The following SMPX variants were observed in gnomAD, a reference collection of about 807,000 sequenced individuals.
SMPX encodes the protein small muscular protein.
SMPX carries 2 observed loss-of-function variants against 6.3 expected under a neutral mutation model. The observed-to-expected ratio is 0.32, with a 90% CI of 0.13 to 0.99. The LOEUF is 0.99. SMPX is among the 50% of genes least tolerant of loss of function. SMPX has a pLI of 0.49. For synonymous variants in SMPX, 32 were observed against 24.7 expected, an observed-to-expected ratio of 1.30 and a Z score of -0.88; for missense variants, 60 against 66.8, an observed-to-expected ratio of 0.90 and a Z score of 0.36.
intron 4 of SMPX, 48 bp downstream of exon 4, chrX:21,737,501 C>A: frequency 9.0e-7 from 1 of 1,108,034 alleles, no homozygotes; most frequent in Non-Finnish European, 1.2e-6. Flanking sequence ...TTCCTTAAAC[C>A]ATTTTACAGA....
chrX:21,731,682 G>A (rs1275120331), intron 4 of SMPX, among the ~76,000 whole-genome samples: 1 of 77,139 alleles, frequency 1.3e-5, no homozygotes, highest in Non-Finnish European at 2.4e-5. Context: ...ACACATTAAT[G>A]TGTACATGTA....
At chrX:21,753,875 G>A (rs1338453859) in intron 2 of SMPX, among the ~76,000 whole-genome samples, 1 of 112,011 alleles carries the variant, frequency 8.9e-6, no homozygotes. Flanking sequence ...TTTCAAACAC[G>A]TGAGTCAACA....
intron 4 of SMPX, among the ~76,000 whole-genome samples, chrX:21,731,798 A>G (rs1257495374): frequency 2.1e-5 from 2 of 94,303 alleles, no homozygotes; most frequent in African/African-American, 7.9e-5. Context: ...GTATATGTGT[A>G]TATGTACACA....
At chrX:21,742,146 T>C (rs1412458758) in intron 3 of SMPX, among the ~76,000 whole-genome samples, 1 of 112,045 alleles carries the variant, frequency 8.9e-6, no homozygotes, top group African/African-American at 3.3e-5. Flanking sequence ...GTCAAGCTAC[T>C]TTCTGACTGA....
intron 4 of SMPX, among the ~76,000 whole-genome samples, chrX:21,709,767 G>A (rs997858865): frequency 1.8e-5 from 2 of 112,017 alleles, no homozygotes; most frequent in African/African-American, 3.2e-5. Context: ...TATGGTCACT[G>A]TGCTGGATGA....
chrX:21,722,539 G>T (rs2092792795), intron 4 of SMPX, among the ~76,000 whole-genome samples: 1 of 112,290 alleles, frequency 8.9e-6, no homozygotes, highest in South Asian at 3.7e-4. Flanking sequence ...GTTGGTTCTG[G>T]TTTTCCAACC....
intron 4 of SMPX, among the ~76,000 whole-genome samples, chrX:21,722,796 G>A (rs2147377683): frequency 9.0e-6 from 1 of 111,042 alleles, no homozygotes; most frequent in East Asian, 2.8e-4. Context: ...CTATCTAGTT[G>A]TGTGACCTTG....
At chrX:21,746,385 CCTT>C (rs1453128784) in intron 2 of SMPX, among the ~76,000 whole-genome samples, 3 of 111,599 alleles carry the variant, frequency 2.7e-5, no homozygotes, top group Non-Finnish European at 3.8e-5. Context: ...CAGGGACAGA[CCTT>C]CTCACTCTCT....
At chrX:21,719,041 T>G (rs910323880) in intron 4 of SMPX, among the ~76,000 whole-genome samples, 2 of 112,251 alleles carry the variant, frequency 1.8e-5, no homozygotes, top group Admixed American at 9.4e-5. Context: ...GTGTGTGTGT[T>G]TTTAGAAACA....
chrX:21,738,452 A>G (rs1468766521), intron 3 of SMPX, among the ~76,000 whole-genome samples: 1 of 110,421 alleles, frequency 9.1e-6, no homozygotes, highest in African/African-American at 3.3e-5. Flanking sequence ...TGGCTCCGAG[A>G]ACTTCAGAAA....
intron 4 of SMPX, among the ~76,000 whole-genome samples, chrX:21,728,379 A>C (rs2092799815): frequency 9.0e-6 from 1 of 111,016 alleles, no homozygotes; most frequent in East Asian, 2.8e-4. Flanking sequence ...TTAAACCGTG[A>C]ACCAGGGTAG....
chrX:21,754,386 A>T, intron 1 of SMPX, 84 bp from the exon 2 acceptor site: 2 of 763,110 alleles, frequency 2.6e-6, no homozygotes, highest in South Asian at 4.2e-5. Context: ...TCATGATTCA[A>T]CTGGGCAGTC....
At chrX:21,732,821 G>A (rs902489313) in intron 4 of SMPX, among the ~76,000 whole-genome samples, 1 of 111,219 alleles carries the variant, frequency 9.0e-6, no homozygotes. Flanking sequence ...AGGAGGTGGG[G>A]CCTTTGAGAG....
chrX:21,726,918 C>T (rs1490218390), intron 4 of SMPX, among the ~76,000 whole-genome samples: 1 of 112,292 alleles, frequency 8.9e-6, no homozygotes, highest in Non-Finnish European at 1.9e-5. Context: ...TAACTGTTTT[C>T]CAACATCCTG....
At chrX:21,742,787 C>G (rs760645706) in intron 3 of SMPX, among the ~76,000 whole-genome samples, 1 of 112,219 alleles carries the variant, frequency 8.9e-6, no homozygotes, top group Admixed American at 9.4e-5. Context: ...GTATTAGGAA[C>G]CTTTGAAATG....
chrX:21,713,305 A>G (rs1177390383), intron 4 of SMPX, among the ~76,000 whole-genome samples: 1 of 112,350 alleles, frequency 8.9e-6, no homozygotes, highest in African/African-American at 3.2e-5. Flanking sequence ...TCACACAGCT[A>G]GCTATCGGCT....
At chrX:21,722,080 G>A (rs1361660832) in intron 4 of SMPX, among the ~76,000 whole-genome samples, 1 of 110,675 alleles carries the variant, frequency 9.0e-6, no homozygotes, top group African/African-American at 3.3e-5. Flanking sequence ...AGGATCGCTT[G>A]AGCCCAGGAG....
intron 2 of SMPX, among the ~76,000 whole-genome samples, chrX:21,745,031 A>C (rs2092819967): frequency 9.0e-6 from 1 of 111,143 alleles, no homozygotes; most frequent in Non-Finnish European, 1.9e-5. Context: ...TCCCTTCAGG[A>C]GCAGGAGGTG....
intron 4 of SMPX, among the ~76,000 whole-genome samples, chrX:21,719,368 A>C (rs1287629714): frequency 9.0e-6 from 1 of 110,903 alleles, no homozygotes; most frequent in Non-Finnish European, 1.9e-5. Flanking sequence ...AAAATAAAAA[A>C]TTAGCCGGAT....
Sources: allele counts gnomAD v4.1 joint callset (sites outside exome capture counted in the v4.1 genomes callset), GRCh38; gene constraint gnomAD v4.1.1; transcripts MANE v1.5; gene names NCBI Gene and HGNC (gene_info 2026-07-23, HGNC 2026-07-21).